The following SSU72 variants were observed in gnomAD, a reference collection of about 807,000 sequenced individuals.
SSU72 encodes RNA polymerase II subunit A C-terminal domain phosphatase SSU72.
In SSU72, 12 loss-of-function variants were observed where a neutral mutation model predicts 22.7. The observed-to-expected ratio is 0.53, with a 90% CI of 0.34 to 0.86. The LOEUF (loss-of-function observed/expected upper bound fraction) is 0.86. Among genes scored for constraint, SSU72 ranks in the 40% least tolerant of loss-of-function variants. The pLI is 0.02. For synonymous variants in SSU72, 116 were observed against 98.3 expected, an observed-to-expected ratio of 1.18 and a Z score of -1.06; for missense variants, 151 against 249.8, an observed-to-expected ratio of 0.60 and a Z score of 2.67.
At chr1:1,546,750 C>T (rs79195722) in intron 2 of SSU72, among the ~76,000 whole-genome samples, 3 of 150,484 alleles carry the variant, frequency 2.0e-5, no homozygotes, top group South Asian at 2.1e-4. Context: ...GGCTGAGGCA[C>T]GAGAGTTGCT....
In SSU72 at chr1:1,574,568, G is replaced by C. The variant is rs1470534939; in HGVS notation, c.-11C>G. The C allele has an allele frequency of 6.3e-7, 1 of 1,581,068 alleles. No individual in the cohort carries two copies. Among genetic ancestry groups the C allele is most frequent in the East Asian group, 2.5e-5 (1 of 40,278 alleles). ...CGGGGACGACGGCATGGCGGCGGCC[G>C]CAAATCCCGCGGCTCTCCCGCTTGG... On this transcript the variant is annotated 5_prime_UTR_variant, in exon 1 of 5. Coordinates refer to ENST00000291386, the MANE Select transcript of SSU72 (RefSeq NM_014188.3).
Position 1,554,075 on chromosome 1 carries a change from G to A in SSU72, c.225-9073C>T, listed in dbSNP as rs1324310811. On this transcript the variant is annotated intron_variant, in intron 2 of 4. Transcript: ENST00000291386. This position sits in a 1 kb window ranked among gnomAD's most constrained non-coding sequence, Gnocchi z 4.1. Reference sequence around the variant, plus strand: ...CGTGTCAGTGGCCAGGGCCTCTAAAGAGAAACGAGGAGGAAGTGCAGCTCC... The same window carrying A: ...CGTGTCAGTGGCCAGGGCCTCTAAAAAGAAACGAGGAGGAAGTGCAGCTCC... Among the ~76,000 whole-genome samples the A allele has an allele frequency of 1.3e-5, 2 of 152,230 alleles. No individual in the cohort carries two copies. Among genetic ancestry groups the A allele is most frequent in the African/African-American group, 2.4e-5 (1 of 41,458 alleles).
At chr1:1,566,472 GTCAT>G (rs1332664452) in intron 1 of SSU72, among the ~76,000 whole-genome samples, 1 of 152,226 alleles carries the variant, frequency 6.6e-6, no homozygotes, top group African/African-American at 2.4e-5. Context: ...TTACAGGCCT[GTCAT>G]TCTTGTTCAG....
chr1:1,568,902 T>C (rs1642695134), intron 1 of SSU72, among the ~76,000 whole-genome samples: 1 of 151,990 alleles, frequency 6.6e-6, no homozygotes, highest in African/African-American at 2.4e-5. Context: ...CCAGGCACGG[T>C]GGCTCACGCC....
At chr1:1,566,116 T>A (rs987505667) in intron 1 of SSU72, among the ~76,000 whole-genome samples, 1 of 148,354 alleles carries the variant, frequency 6.7e-6, no homozygotes, top group African/African-American at 2.5e-5. Flanking sequence ...AAAAAAAAAA[T>A]TAGCTGGGCA....
At position 1,541,865 on chromosome 1, in the gene SSU72, G is replaced by A. The variant is rs2100701517; in HGVS notation, c.*201C>T. 4 of 572,060 alleles carry A rather than the reference G, an allele frequency of 7.0e-6. No individual in the cohort carries two copies. In the South Asian group the frequency reaches 8.2e-5, roughly 12 times the overall value. The allele number at this position is 572,060 out of a possible 1,614,324, so 35.4% of individuals were successfully genotyped here. ...AGAAAAACTTTGTAATCAATATCCT[G>A]CTCATAAGTAAAAGTGGAAAAGAAG... On this transcript the variant is annotated 3_prime_UTR_variant, in exon 5 of 5. Coordinates refer to ENST00000291386, the MANE Select transcript of SSU72 (RefSeq NM_014188.3).
At chr1:1,565,144 CAGGCGGATCAT>C (rs1461667221) in intron 1 of SSU72, among the ~76,000 whole-genome samples, 3 of 151,924 alleles carry the variant, frequency 2.0e-5, no homozygotes, top group African/African-American at 7.3e-5. Flanking sequence ...ATCATGAAGG[CAGGCGGATCAT>C]GAAGGCAGGA....
chr1:1,560,363 C>T (rs1238764815), intron 2 of SSU72, among the ~76,000 whole-genome samples: 3 of 151,920 alleles, frequency 2.0e-5, no homozygotes, highest in Non-Finnish European at 4.4e-5. Context: ...CCAGGCTGGC[C>T]TCCGGCTCCT....
rs575215032 is a variant in SSU72, at chr1:1,544,321, T to C, written c.365-334A>G. ...CACCGCCAGCTCCACACAGGGTCCA[T>C]CCGCTTGAAAAATGGGCCTGGCGCG... On this transcript the variant is annotated intron_variant, in intron 3 of 4. Transcript: ENST00000291386. Among the ~76,000 whole-genome samples, 6 of 152,294 alleles carry C rather than the reference T, an allele frequency of 3.9e-5. No homozygotes were observed. The East Asian group carries it at 7.7e-4, about 20-fold the overall frequency.
intron 2 of SSU72, 70 bp downstream of exon 2, chr1:1,564,703 C>G: frequency 6.2e-7 from 1 of 1,614,150 alleles, no homozygotes; most frequent in Non-Finnish European, 8.5e-7. Context: ...CCTCCTGTGC[C>G]CGAGCCACAC....
intron 1 of SSU72, among the ~76,000 whole-genome samples, chr1:1,574,060 TCCATGGCATTAAAAAAAGAGA>T (rs1642773741): frequency 6.7e-6 from 1 of 149,004 alleles, no homozygotes; most frequent in Non-Finnish European, 1.5e-5. Context: ...AACACACAAA[TCCATGGCATTAAAAAAAGAGA>T]CCGCTTTGTT....
At chr1:1,570,276 C>T (rs1217209303) in intron 1 of SSU72, among the ~76,000 whole-genome samples, 2 of 135,516 alleles carry the variant, frequency 1.5e-5, no homozygotes, top group Non-Finnish European at 3.0e-5. Flanking sequence ...CAGCCTTACT[C>T]TGGCTTGAAA....
At chr1:1,558,367 C>T (rs880050) in intron 2 of SSU72, among the ~76,000 whole-genome samples, 1 of 151,862 alleles carries the variant, frequency 6.6e-6, no homozygotes, top group Non-Finnish European at 1.5e-5. Context: ...CGCCCTGTCT[C>T]AAAACCAAAT....
intron 2 of SSU72, chr1:1,561,364 TGA>T (rs1642590372): frequency 6.6e-6 from 1 of 152,242 alleles, no homozygotes; most frequent in African/African-American, 2.4e-5. Context: ...ATTACAGGCC[TGA>T]GTCACCGCGC....
In SSU72 at chr1:1,554,269, C is replaced by G. The variant is rs933661034; in HGVS notation, c.225-9267G>C. ...GGCGGACCCGGACCACTCGGGGGCC[C>G]CCACGAAGCTGAGCACGAGACGGAT... On this transcript the variant is annotated intron_variant, in intron 2 of 4. Coordinates refer to ENST00000291386, the MANE Select transcript of SSU72 (RefSeq NM_014188.3). The surrounding 1 kb of genome is among the most constrained non-coding windows in gnomAD (Gnocchi z 4.1). Among the ~76,000 whole-genome samples the G allele has an allele frequency of 4.0e-5, 6 of 151,298 alleles. No homozygotes were observed. Among genetic ancestry groups the G allele is most frequent in the Non-Finnish European group, 7.4e-5 (5 of 67,890 alleles).
At chr1:1,550,656 T>C (rs1309840598) in intron 2 of SSU72, among the ~76,000 whole-genome samples, 1 of 152,026 alleles carries the variant, frequency 6.6e-6, no homozygotes, top group Non-Finnish European at 1.5e-5. Context: ...GACGAGGCAG[T>C]GATCTCGCCT....
chr1:1,564,821 G>A lies in SSU72; in HGVS notation c.176C>T (p.Thr59Ile), dbSNP rs1642639184. 1 of 1,614,038 alleles carries A rather than the reference G, an allele frequency of 6.2e-7. No homozygotes were observed. Among genetic ancestry groups the A allele is most frequent in the Non-Finnish European group, 8.5e-7 (1 of 1,180,044 alleles). The change falls in exon 2 of 5, where the codon ACC becomes ATC. Residue 59 changes from threonine to isoleucine, a missense_variant. Thr to Ile is a moderately conservative substitution (Grantham distance 89, BLOSUM62 -1). Transcript: ENST00000291386. ...ATCATTGTACATCTGGTCATATGTGGTTTTGAAATCATAAACATTGGGCTT... is the reference window on the plus strand; with the variant it reads ...ATCATTGTACATCTGGTCATATGTGATTTTGAAATCATAAACATTGGGCTT... ...PDKPNVYDFK[T>I]TYDQMYNDLL...
intron 1 of SSU72, among the ~76,000 whole-genome samples, chr1:1,566,538 G>C (rs535052857): frequency 5.7e-4 from 87 of 152,130 alleles, no homozygotes; most frequent in African/African-American, 1.9e-3. Flanking sequence ...GACACGTGAG[G>C]AGTTCCATAT....
chr1:1,565,798 G>C lies in SSU72; in HGVS notation c.81-882C>G, dbSNP rs974422858. Among the ~76,000 whole-genome samples the C allele has an allele frequency of 4.6e-5, 6 of 130,334 alleles. No individual in the cohort carries two copies. In the East Asian group the frequency reaches 8.1e-4, roughly 18 times the overall value. 85.5% of individuals were successfully genotyped at this position (130,334 alleles called of 152,430 possible). ...ACTTTTCCTAATCAACTGGAGAAAA[G>C]AGCTGAACAGGAAACGTGTGTCATG... On this transcript the variant is annotated intron_variant, in intron 1 of 4. Coordinates refer to ENST00000291386, the MANE Select transcript of SSU72 (RefSeq NM_014188.3).
Sources: gnomAD v4.1 joint callset for allele counts (sites outside exome capture counted in the v4.1 genomes callset) on GRCh38, gnomAD v4.1.1 for gene constraint, Gnocchi (gnomAD v3.1) non-coding constraint, MANE v1.5 for transcripts, NCBI Gene and HGNC (gene_info 2026-07-23, HGNC 2026-07-21) for gene names.